Variants in ZNF518B observed in about 807,000 individuals in gnomAD.
ZNF518B encodes the protein zinc finger protein 518B.
Under a neutral mutation model 56.3 loss-of-function variants are expected in ZNF518B, and 23 were observed. The observed-to-expected ratio is 0.41, with a 90% CI of 0.29 to 0.58. The LOEUF (loss-of-function observed/expected upper bound fraction) is 0.58, where lower values mean the gene tolerates loss of function less well. ZNF518B is among the 20% of genes least tolerant of loss of function. The probability of loss-of-function intolerance (pLI) is 0.32; values close to 1 mark genes in which losing one functional copy is unlikely to be tolerated. For synonymous variants in ZNF518B, 529 were observed against 465.9 expected (o/e 1.14, Z -1.74); for missense variants, 1,460 against 1,272.1 (o/e 1.15, Z -2.25).
rs1714821796 is a variant in ZNF518B, at chr4:10,443,970, C to T, written c.2359G>A (p.Ala787Thr). The change falls in exon 3 of 3, where the codon GCC becomes ACC. Residue 787 changes from alanine to threonine, a missense_variant. Ala to Thr is a moderately conservative substitution (Grantham distance 58). Transcript: ENST00000326756. ...TCACATGTAGCCTCTATGATGTGGG[C>T]ATTCTCAGAGGAATTAAGAACCCTC... Reference protein sequence around the residue: ...VLRVLNSSENAHIIEATCEAP... With the variant: ...VLRVLNSSENTHIIEATCEAP... The T allele has an allele frequency of 6.2e-7, 1 of 1,614,218 alleles. No homozygotes were observed. Among genetic ancestry groups the T allele is most frequent in the Non-Finnish European group, 8.5e-7 (1 of 1,180,024 alleles).
chr4:10,455,871 G>A (rs945259802), intron 1 of ZNF518B, among the ~76,000 whole-genome samples: 1 of 152,162 alleles, frequency 6.6e-6, no homozygotes, highest in Admixed American at 6.5e-5. Flanking sequence ...TTTTAAAAAA[G>A]AACTATTTGT....
At chr4:10,453,960 G>C (rs1715426825) in intron 2 of ZNF518B, 1 of 152,198 alleles carries the variant, frequency 6.6e-6, no homozygotes. Context: ...CAAAAATAAT[G>C]ATGTCCCCCA....
chr4:10,454,442 A>G (rs1463452563), intron 2 of ZNF518B: 1 of 152,234 alleles, frequency 6.6e-6, no homozygotes, highest in African/African-American at 2.4e-5. Flanking sequence ...GAAGATGGAG[A>G]TAAGTAAATG....
Position 10,444,522 on chromosome 4 carries a change from T to A in ZNF518B, c.1807A>T (p.Thr603Ser). The stretch of plus-strand genomic sequence containing the variant: ...GGCTGTTGAGATCTATCTTCTCCAG[T>A]TATGTTTATATGTAAATACTCACTC... ...HKSEYLHINI[T>S]GEDRSQQPGD... The change falls in exon 3 of 3, where the codon ACT becomes TCT. Residue 603 changes from threonine to serine, a missense_variant. By Grantham distance (58) the Thr-to-Ser change is moderately conservative. Transcript: ENST00000326756. 1 of 1,614,108 alleles carries A rather than the reference T, an allele frequency of 6.2e-7. No homozygotes were observed. Among genetic ancestry groups the A allele is most frequent in the Non-Finnish European group, 8.5e-7 (1 of 1,180,020 alleles).
In ZNF518B at chr4:10,440,693, A is replaced by G. The variant is rs1439176713; in HGVS notation, c.*2411T>C. ...TCTACTCACACAATTAAGCTCCATC[A>G]AAGTATGCAAGTTGTGTTTTTACTT... On this transcript the variant is annotated 3_prime_UTR_variant, in exon 3 of 3. Coordinates refer to ENST00000326756, the MANE Select transcript of ZNF518B (RefSeq NM_053042.3). The G allele has an allele frequency of 6.6e-6, 1 of 151,836 alleles. No individual in the cohort carries two copies. Among genetic ancestry groups the G allele is most frequent in the Non-Finnish European group, 1.5e-5 (1 of 68,036 alleles). The allele number at this position is 151,836 out of a possible 1,614,324, so 9.4% of individuals were successfully genotyped here. A position where few individuals can be genotyped will look rare whatever the true frequency, so the allele number is the denominator to read the frequency against.
chr4:10,449,116 G>C (rs917082212), intron 2 of ZNF518B, among the ~76,000 whole-genome samples: 1 of 152,194 alleles, frequency 6.6e-6, no homozygotes. Context: ...TGCAGCAGCA[G>C]CCAGAACCCA....
At chr4:10,449,715 G>A (rs1375701558) in intron 2 of ZNF518B, among the ~76,000 whole-genome samples, 1 of 152,182 alleles carries the variant, frequency 6.6e-6, no homozygotes, top group African/African-American at 2.4e-5. Context: ...TAATACTAGT[G>A]TGTGAGAAAG....
chr4:10,445,328 G>C lies in ZNF518B; in HGVS notation c.1001C>G (p.Pro334Arg). 6.2e-7 allele frequency: 1 copy of C among 1,614,202 alleles called. No individual in the cohort carries two copies. Among genetic ancestry groups the C allele is most frequent in the Non-Finnish European group, 8.5e-7 (1 of 1,180,040 alleles). ...GTTTGCAGGGACAACTAGTTCTGCTGGTGCAACAACTGTCAATGGCATACC... is the reference window on the plus strand; with the variant it reads ...GTTTGCAGGGACAACTAGTTCTGCTCGTGCAACAACTGTCAATGGCATACC... ...QPGMPLTVVA[P>R]AELVVPANCL... Residue 334 changes from proline to arginine, a missense_variant, in exon 3 of 3, where the codon CCA (proline) becomes CGA (arginine). Physicochemically the swap from Pro to Arg is moderately radical, Grantham distance 103 (BLOSUM62 -2). Transcript: ENST00000326756.
In ZNF518B at chr4:10,448,368, G is replaced by C. The variant is rs143790223; in HGVS notation, c.-211-1829C>G. ...AGGTAGTCTGAAAGACCGACGTCGG[G>C]GAGTTTAAAAAAGCCCCTCCACAGG... On this transcript the variant is annotated intron_variant, in intron 2 of 2. Transcript: ENST00000326756. 4.6e-3 allele frequency among the ~76,000 whole-genome samples: 706 copies of C among 152,116 alleles called. 5 individuals are homozygous for C. Among genetic ancestry groups the C allele is most frequent in the African/African-American group, 0.016 (670 of 41,502 alleles).
chr4:10,454,427 T>C (rs1276979866), intron 2 of ZNF518B: 1 of 152,254 alleles, frequency 6.6e-6, no homozygotes, highest in Non-Finnish European at 1.5e-5. Flanking sequence ...TTAAGGAGTC[T>C]AACAGAAGAT....
chr4:10,459,896 A>G (rs545955973), upstream of ZNF518B, among the ~76,000 whole-genome samples: 5 of 152,276 alleles, frequency 3.3e-5, no homozygotes, highest in African/African-American at 9.6e-5. Context: ...TAAGAAATCA[A>G]TGCACCCTCC....
intron 2 of ZNF518B, chr4:10,452,630 G>A (rs1230300953): frequency 1.3e-5 from 2 of 151,928 alleles, no homozygotes; most frequent in Non-Finnish European, 2.9e-5. Flanking sequence ...AGGACATCTG[G>A]GCCATAACTG....
Position 10,444,812 on chromosome 4 carries a change from G to A in ZNF518B, c.1517C>T (p.Pro506Leu), listed in dbSNP as rs1355851492. 1.2e-6 allele frequency: 2 copies of A among 1,613,924 alleles called. No homozygotes were observed. Among genetic ancestry groups the A allele is most frequent in the East Asian group, 4.5e-5 (2 of 44,858 alleles). The change falls in exon 3 of 3, where the codon CCA (proline) becomes CTA (leucine). Residue 506 changes from proline (P) to leucine (L), a missense_variant. Physicochemically the swap from Pro to Leu is moderately conservative, Grantham distance 98. Transcript: ENST00000326756. ...AGCAAAACAAACAGCAGCTTTATAT[G>A]GAAAAGGGTTTGATGCAGCTCCAAG... ...RSLGAASNPF[P>L]YKAAVCFAES... is the part of the protein sequence containing the mutation.
chr4:10,459,990 C>A (rs1009544947), upstream of ZNF518B, among the ~76,000 whole-genome samples: 5 of 152,218 alleles, frequency 3.3e-5, no homozygotes, highest in South Asian at 2.1e-4. Context: ...AACGTTCATT[C>A]ATTCACTCAT....
chr4:10,455,556 CA>C (rs1361196806), intron 1 of ZNF518B, among the ~76,000 whole-genome samples: 4 of 152,236 alleles, frequency 2.6e-5, no homozygotes, highest in Admixed American at 2.6e-4. Context: ...TCCTTTTGCA[CA>C]AAAACTGGCC....
upstream of ZNF518B, among the ~76,000 whole-genome samples, chr4:10,461,056 G>A (rs1715728435): frequency 6.6e-6 from 1 of 152,172 alleles, no homozygotes; most frequent in African/African-American, 2.4e-5. Context: ...AGCTTACCTC[G>A]CCTCACAGTC....
In ZNF518B at chr4:10,445,453, T is replaced by C. The variant is rs1251129204; in HGVS notation, c.876A>G (p.Pro292=). The change falls in exon 3 of 3, where the codon CCA becomes CCG. Residue 292 remains proline, a synonymous_variant. Transcript: ENST00000326756. ...KEYQKDVVCI[P]NKMTLSEPNE... ...TTGGCTCAGACAGGGTCATTTTATT[T>C]GGAATACAAACTACATCTTTTTGGT... The C allele has an allele frequency of 6.2e-7, 1 of 1,614,252 alleles. No individual in the cohort carries two copies. The highest frequency in any genetic ancestry group is 1.1e-5 in the South Asian group (1 of 91,084).
upstream of ZNF518B, among the ~76,000 whole-genome samples, chr4:10,460,482 G>A (rs4339203): frequency 0.29 from 44,513 of 151,790 alleles, 6,756 homozygotes; most frequent in East Asian, 0.42. Context: ...GGACTTGGGA[G>A]ATGAGCTGTA....
Position 10,445,022 on chromosome 4 carries a change from C to T in ZNF518B, c.1307G>A (p.Arg436Lys). 1.9e-6 allele frequency: 3 copies of T among 1,614,130 alleles called. No homozygotes were observed. The highest frequency in any genetic ancestry group is 2.5e-6 in the Non-Finnish European group (3 of 1,180,020). Residue 436 changes from arginine to lysine, a missense_variant, in exon 3 of 3, where the codon AGG (arginine) becomes AAG (lysine). Arg to Lys is a conservative substitution (Grantham distance 26). Transcript: ENST00000326756. Reference sequence around the variant, plus strand: ...ATTTGGCATAATAAAATCATAAGACCTTACCCATTTCACATTTTTAAGCTG... The same window carrying T: ...ATTTGGCATAATAAAATCATAAGACTTTACCCATTTCACATTTTTAAGCTG... ...QKQLKNVKWV[R>K]SYDFIMPNSS...
Sources: allele counts gnomAD v4.1 joint callset (sites outside exome capture counted in the v4.1 genomes callset), GRCh38; gene constraint gnomAD v4.1.1; transcripts MANE v1.5; gene names NCBI Gene and HGNC (gene_info 2026-07-23, HGNC 2026-07-21).